ANGPTL1: variants seen among roughly 807,000 people sequenced by gnomAD.
ANGPTL1 encodes angiopoietin like 1, also known as angiopoietin-related protein 1.
ANGPTL1 carries 36 observed loss-of-function variants against 46.7 expected under a neutral mutation model. That is an observed-to-expected ratio of 0.77 (90% CI 0.59 to 1.02). The LOEUF (loss-of-function observed/expected upper bound fraction) is 1.02, where lower values mean the gene tolerates loss of function less well. Among genes scored for constraint, ANGPTL1 ranks in the 50% least tolerant of loss-of-function variants. The pLI is 0.00. For missense variants in ANGPTL1, 571 were observed against 594.7 expected (o/e 0.96, Z 0.41); for synonymous variants, 221 against 204.3 (o/e 1.08, Z -0.69).
At chr1:178,861,086 A>T (rs1302636696) in intron 3 of ANGPTL1, among the ~76,000 whole-genome samples, 1 of 152,186 alleles carries the variant, frequency 6.6e-6, no homozygotes, top group East Asian at 1.9e-4. Flanking sequence ...AGAAAACACA[A>T]ACTGGCAGTG....
At chr1:178,862,763 G>A (rs1658124723) in intron 3 of ANGPTL1, among the ~76,000 whole-genome samples, 1 of 152,068 alleles carries the variant, frequency 6.6e-6, no homozygotes, top group Admixed American at 6.6e-5. Flanking sequence ...ACTAGTGGAA[G>A]GTCCGCTAGG....
intron 3 of ANGPTL1, among the ~76,000 whole-genome samples, chr1:178,860,470 C>T (rs1657926203): frequency 6.6e-6 from 1 of 152,036 alleles, no homozygotes. Flanking sequence ...ACTGTCTTCA[C>T]CATTTTTAAA....
intron 3 of ANGPTL1, 52 bp downstream of exon 3, chr1:178,864,902 C>T: frequency 1.4e-5 from 17 of 1,204,514 alleles, no homozygotes; most frequent in Non-Finnish European, 1.8e-5. Context: ...TTTCATAAGG[C>T]ATAAAAATAT....
At chr1:178,854,009 A>AT (rs1366725260) in intron 3 of ANGPTL1, among the ~76,000 whole-genome samples, 1 of 151,904 alleles carries the variant, frequency 6.6e-6, no homozygotes, top group Non-Finnish European at 1.5e-5. Flanking sequence ...CCATATATGT[A>AT]TTTTTTATAT....
intron 1 of ANGPTL1, among the ~76,000 whole-genome samples, chr1:178,869,794 A>C (rs974325833): frequency 1.3e-5 from 2 of 152,168 alleles, no homozygotes; most frequent in Non-Finnish European, 1.5e-5. Flanking sequence ...CAAATCTAAC[A>C]AACTTAAGTG....
intron 4 of ANGPTL1, chr1:178,853,227 C>T (rs1452495611): frequency 1.0e-6 from 1 of 984,578 alleles, no homozygotes; most frequent in Non-Finnish European, 1.2e-6. Flanking sequence ...TAAAATTTAT[C>T]CATAGCTACT....
intron 3 of ANGPTL1, among the ~76,000 whole-genome samples, chr1:178,859,375 T>C (rs1374108186): frequency 6.6e-6 from 1 of 151,874 alleles, no homozygotes; most frequent in African/African-American, 2.4e-5. Flanking sequence ...TATTTTTAGT[T>C]TCTAATGACT....
chr1:178,853,226 T>C, intron 4 of ANGPTL1: 1 of 984,900 alleles, frequency 1.0e-6, no homozygotes, highest in Non-Finnish European at 1.2e-6. Context: ...ATAAAATTTA[T>C]CCATAGCTAC....
At chr1:178,861,726 ATAAAT>A (rs1292875991) in intron 3 of ANGPTL1, among the ~76,000 whole-genome samples, 1 of 152,248 alleles carries the variant, frequency 6.6e-6, no homozygotes, top group Non-Finnish European at 1.5e-5. Context: ...CAAACTACTG[ATAAAT>A]TATATAAAAG....
intron 2 of ANGPTL1, 142 bp downstream of exon 2, chr1:178,868,972 C>G (rs1658582823): frequency 6.6e-6 from 1 of 151,900 alleles, no homozygotes. Flanking sequence ...TGAAAACATT[C>G]TCTTATTTAA....
At chr1:178,868,913 G>A (rs1255129302) in intron 2 of ANGPTL1, among the ~76,000 whole-genome samples, 1 of 151,916 alleles carries the variant, frequency 6.6e-6, no homozygotes, top group Non-Finnish European at 1.5e-5. Context: ...GACTAGCTAC[G>A]TCAGGAGTAA....
chr1:178,856,420 T>TTTTTTTG (rs1657587534), intron 3 of ANGPTL1, among the ~76,000 whole-genome samples: 1 of 120,566 alleles, frequency 8.3e-6, no homozygotes, highest in African/African-American at 3.5e-5. Context: ...TTTTTTTTTT[T>TTTTTTTG]TTTTTTGAGA....
chr1:178,862,931 A>C (rs1195922649), intron 3 of ANGPTL1, among the ~76,000 whole-genome samples: 1 of 152,236 alleles, frequency 6.6e-6, no homozygotes, highest in Non-Finnish European at 1.5e-5. Flanking sequence ...GAGTTACACC[A>C]GTTGGCAAGC....
intron 3 of ANGPTL1, among the ~76,000 whole-genome samples, chr1:178,856,196 GAGAGAGATAT>G (rs1411416665): frequency 4.9e-5 from 2 of 41,054 alleles, no homozygotes; most frequent in African/African-American, 2.1e-4. Context: ...TTTCCAGAGA[GAGAGAGATAT>G]ATATATATAT....
chr1:178,869,890 A>G (rs1040090378), intron 1 of ANGPTL1, among the ~76,000 whole-genome samples: 4 of 152,076 alleles, frequency 2.6e-5, no homozygotes, highest in Non-Finnish European at 5.9e-5. Flanking sequence ...TCCCAGATAG[A>G]ATATTGAAGG....
chr1:178,865,472 A>C lies in ANGPTL1; in HGVS notation c.305T>G (p.Leu102Arg). 1 of 1,614,106 alleles carries C rather than the reference A, an allele frequency of 6.2e-7. No homozygotes were observed. Among genetic ancestry groups the C allele is most frequent in the Non-Finnish European group, 8.5e-7 (1 of 1,179,994 alleles). The change falls in exon 3 of 6, where the codon CTG becomes CGG. Residue 102 changes from leucine (L) to arginine (R), a missense_variant. Coordinates refer to ENST00000234816, the MANE Select transcript of ANGPTL1 (RefSeq NM_004673.4). ...LSRQKREIDV[L>R]QLVVDVDGNI... ...TCCATCTACATCCACCACCAGTTGC[A>C]GAACATCTATCTCCCGCTTCTGCCT... is the stretch of plus-strand genomic sequence containing the variant.
chr1:178,851,088 G>C lies in ANGPTL1; in HGVS notation c.*41C>G, dbSNP rs1657142602. The C allele has an allele frequency of 1.3e-6, 2 of 1,548,860 alleles. No homozygotes were observed. Among genetic ancestry groups the C allele is most frequent in the South Asian group, 2.5e-5 (2 of 79,540 alleles). ...CATTTACATTTTTAAGAGCTGAAAA[G>C]TACAAAGTTCTGTGTCATTTAAATT... On this transcript the variant is annotated 3_prime_UTR_variant, in exon 6 of 6. Transcript: ENST00000234816.
intron 3 of ANGPTL1, among the ~76,000 whole-genome samples, chr1:178,859,748 A>T: frequency 9.7e-6 from 1 of 102,834 alleles, no homozygotes; most frequent in African/African-American, 4.0e-5. Context: ...GCCAGGCTGG[A>T]GTGCAGTGTC....
rs1658297928 is a variant in ANGPTL1, at chr1:178,865,095, G to T, written c.682C>A (p.Gln228Lys). The T allele has an allele frequency of 5.1e-6, 8 of 1,563,330 alleles. No homozygotes were observed. In the East Asian group the frequency reaches 1.8e-4, roughly 35 times the overall value. ...VVPQHIPNSQ[Q>K]YTPGLLGGNE... is the part of the protein sequence containing the mutation. ...CCTCCCAGCAGACCAGGAGTATACT[G>T]TTGGCTGTTAGGAATATGTTGTGGC... The change falls in exon 3 of 6, where the codon CAG becomes AAG. Residue 228 changes from glutamine (Q) to lysine (K), a missense_variant. Physicochemically the swap from Gln to Lys is moderately conservative, Grantham distance 53 (BLOSUM62 1). Coordinates refer to ENST00000234816, the MANE Select transcript of ANGPTL1 (RefSeq NM_004673.4).
Sources: gnomAD v4.1 joint callset for allele counts (sites outside exome capture counted in the v4.1 genomes callset) on GRCh38, gnomAD v4.1.1 for gene constraint, MANE v1.5 for transcripts, NCBI Gene and HGNC (gene_info 2026-07-23, HGNC 2026-07-21) for gene names.